Variants in PRDM2 observed in about 807,000 individuals in gnomAD.
The protein encoded by PRDM2 is PR domain zinc finger protein 2.
A neutral mutation model predicts 130.0 loss-of-function variants in PRDM2; 30 were observed. That is an observed-to-expected ratio of 0.23 (90% CI 0.17 to 0.31). The LOEUF is 0.31. PRDM2 is among the 10% of genes least tolerant of loss of function. The pLI, the probability that PRDM2 is intolerant of heterozygous loss-of-function variation, is 1.00. For synonymous variants in PRDM2, 871 were observed against 782.4 expected, an observed-to-expected ratio of 1.11 and a Z score of -1.89; for missense variants, 2,011 against 2,108.4, an observed-to-expected ratio of 0.95 and a Z score of 0.90.
At chr1:13,770,384 C>A (rs113905860) in intron 6 of PRDM2, 269 of 455,026 alleles carry the variant, frequency 5.9e-4, no homozygotes, top group Non-Finnish European at 1.0e-3. Context: ...TAAGATTGTA[C>A]TTCCTTTTGT....
chr1:13,782,019 G>A lies in PRDM2; in HGVS notation c.4224G>A (p.Glu1408=), dbSNP rs765440998. 4.1e-5 allele frequency: 66 copies of A among 1,613,930 alleles called. No homozygotes were observed. Among genetic ancestry groups the A allele is most frequent in the Non-Finnish European group, 4.9e-5 (58 of 1,180,036 alleles). Residue 1408 remains glutamate (E), a synonymous_variant, in exon 8 of 10, where the codon GAG becomes GAA. Coordinates refer to ENST00000311066, the MANE Select transcript of PRDM2 (RefSeq NM_001393986.1). Reference sequence around the variant, plus strand: ...CCAAAAGGCTTAACTTTAGTGTTGAGCTCAGCAAAATGTCGTCGAATAAGC... The same window carrying A: ...CCAAAAGGCTTAACTTTAGTGTTGAACTCAGCAAAATGTCGTCGAATAAGC... ...GQPKRLNFSV[E]LSKMSSNKLK...
At chr1:13,764,793 T>G (rs1416788150) in intron 6 of PRDM2, among the ~76,000 whole-genome samples, 2 of 152,208 alleles carry the variant, frequency 1.3e-5, no homozygotes, top group African/African-American at 4.8e-5. Context: ...AAGCAAAACC[T>G]AGAGTTGTGT....
At chr1:13,793,504 G>T (rs1434260598) in intron 8 of PRDM2, among the ~76,000 whole-genome samples, 1 of 152,176 alleles carries the variant, frequency 6.6e-6, no homozygotes, top group Non-Finnish European at 1.5e-5. Context: ...TTGCAGAAAC[G>T]ACTCACTTTT....
intron 4 of PRDM2, among the ~76,000 whole-genome samples, chr1:13,738,220 A>G (rs891759890): frequency 6.6e-6 from 1 of 152,222 alleles, no homozygotes; most frequent in Non-Finnish European, 1.5e-5. Context: ...TCTTCCTGTT[A>G]GCAAAGCCCA....
At position 13,749,467 on chromosome 1, in the gene PRDM2, G is replaced by C; in HGVS notation, c.491G>C (p.Ser164Thr). Reference sequence around the variant, plus strand: ...CGAGCCAGCGCCCGGAGCAAGCGGAGCTCCCCCAAGAGCCGGAAAGGTAGG... The same window carrying C: ...CGAGCCAGCGCCCGGAGCAAGCGGACCTCCCCCAAGAGCCGGAAAGGTAGG... ...EERASARSKR[S>T]SPKSRKGKKK... Residue 164 changes from serine to threonine, a missense_variant, in exon 6 of 10, where the codon AGC (serine) becomes ACC (threonine). Around this residue, in one of 5 missense-constraint regions of PRDM2, gnomAD observed 1,288 missense variants for 1,237.7 expected, o/e 1.04. Coordinates refer to ENST00000311066, the MANE Select transcript of PRDM2 (RefSeq NM_001393986.1). 6.7e-7 allele frequency: 1 copy of C among 1,488,034 alleles called. No homozygotes were observed. The allele number at this position is 1,488,034 out of a possible 1,614,324, so 92.2% of individuals were successfully genotyped here. A position where few individuals can be genotyped will look rare whatever the true frequency, so the allele number is the denominator to read the frequency against.
rs140141106 is a variant in PRDM2, at chr1:13,705,865, C to A, written c.-66+5565C>A. Among the ~76,000 whole-genome samples, 960 of 151,888 alleles carry A rather than the reference C, an allele frequency of 6.3e-3. 6 individuals are homozygous for A. The highest frequency in any genetic ancestry group is 9.8e-3 in the Non-Finnish European group (663 of 67,960). On this transcript the variant is annotated intron_variant, in intron 1 of 9. Coordinates refer to ENST00000311066, the MANE Select transcript of PRDM2 (RefSeq NM_001393986.1). The stretch of plus-strand genomic sequence containing the variant: ...GGTGTGATGGTGGGCACCTGTAATC[C>A]CAGCTACTTGGGAGGCTGAGGCAGA...
At chr1:13,805,717 C>T (rs536731385) in intron 8 of PRDM2, among the ~76,000 whole-genome samples, 5 of 152,328 alleles carry the variant, frequency 3.3e-5, no homozygotes, top group African/African-American at 9.6e-5. Context: ...AAGACTTCTG[C>T]GGCCAGCGAT....
intron 8 of PRDM2, among the ~76,000 whole-genome samples, chr1:13,807,769 C>G (rs77025060): frequency 0.025 from 3,844 of 152,242 alleles, 143 homozygotes; most frequent in African/African-American, 0.087. Context: ...ATTAGACGTT[C>G]TATTGTATAG....
intron 7 of PRDM2, 34 bp downstream of exon 7, chr1:13,773,222 G>T (rs928288723): frequency 7.7e-7 from 1 of 1,293,960 alleles, no homozygotes; most frequent in East Asian, 2.5e-5. Flanking sequence ...TCTGAATTGG[G>T]TGTGTATGTA....
At chr1:13,786,386 C>T (rs1644740209) in intron 8 of PRDM2, 3 of 1,289,774 alleles carry the variant, frequency 2.3e-6, no homozygotes, top group Admixed American at 4.1e-5. Flanking sequence ...TCCTAAATGC[C>T]TTCAGTCATG....
intron 6 of PRDM2, among the ~76,000 whole-genome samples, chr1:13,757,006 T>C (rs543990146): frequency 3.9e-5 from 6 of 152,352 alleles, no homozygotes; most frequent in African/African-American, 1.2e-4. Context: ...GTAGGACAGT[T>C]ATACTGTATA....
chr1:13,781,007 C>T lies in PRDM2; in HGVS notation c.3212C>T (p.Ser1071Phe), dbSNP rs750679326. Residue 1071 changes from serine to phenylalanine, a missense_variant, in exon 8 of 10, where the codon TCT (serine) becomes TTT (phenylalanine). Physicochemically the swap from Ser to Phe is radical, Grantham distance 155 (BLOSUM62 -2). Around this residue, in one of 5 missense-constraint regions of PRDM2, gnomAD observed 1,288 missense variants for 1,237.7 expected, o/e 1.04. Transcript: ENST00000311066. This position sits in a 1 kb window ranked among gnomAD's most constrained non-coding sequence, Gnocchi z 6.1. ...TCGTTTTCTTCTTCATCTTCCTCCTCTTCTCCTTCTCCACCTCCTCTCTCC... is the reference window on the plus strand; with the variant it reads ...TCGTTTTCTTCTTCATCTTCCTCCTTTTCTCCTTCTCCACCTCCTCTCTCC... The part of the protein sequence containing the change: ...SSSFSSSSSS[S>F]SPSPPPLSAI... 4 of 1,601,862 alleles carry T rather than the reference C, an allele frequency of 2.5e-6. No individual in the cohort carries two copies. In the East Asian group the frequency reaches 8.9e-5, roughly 36 times the overall value.
chr1:13,728,476 G>C (rs560161648), intron 2 of PRDM2, among the ~76,000 whole-genome samples: 1 of 152,282 alleles, frequency 6.6e-6, no homozygotes, highest in Non-Finnish European at 1.5e-5. Flanking sequence ...CCATAGCCAC[G>C]GCCATGGAGA....
At chr1:13,750,997 C>G (rs1193894058) in intron 6 of PRDM2, among the ~76,000 whole-genome samples, 1 of 152,202 alleles carries the variant, frequency 6.6e-6, no homozygotes, top group Non-Finnish European at 1.5e-5. Context: ...CTAATCATAA[C>G]TAACTCCTGT....
At chr1:13,708,332 C>G (rs980032524) in intron 1 of PRDM2, among the ~76,000 whole-genome samples, 15 of 152,090 alleles carry the variant, frequency 9.9e-5, no homozygotes, top group African/African-American at 3.1e-4. Flanking sequence ...TTTAATTGCT[C>G]TAGGCCCATT....
intron 9 of PRDM2, among the ~76,000 whole-genome samples, chr1:13,822,197 G>C (rs1403785038): frequency 6.6e-6 from 1 of 152,116 alleles, no homozygotes; most frequent in African/African-American, 2.4e-5. Context: ...ATACCTATGA[G>C]AATGCTGATG....
rs1174560297 is a variant in PRDM2, at chr1:13,780,952, T to G, written c.3157T>G (p.Ser1053Ala). The change falls in exon 8 of 10, where the codon TCT (serine) becomes GCT (alanine). Residue 1053 changes from serine to alanine, a missense_variant. Physicochemically the swap from Ser to Ala is moderately conservative, Grantham distance 99. Transcript: ENST00000311066. Reference protein sequence around the residue: ...AASPGPPTLSSSSSSSSSSSS... With the variant: ...AASPGPPTLSASSSSSSSSSS... ...CTCACCCGGGCCTCCAACACTTTCT[T>G]CTTCCTCCTCTTCATCTTCCTCCTC... 6.2e-7 allele frequency: 1 copy of G among 1,607,318 alleles called. No individual in the cohort carries two copies. The highest frequency in any genetic ancestry group is 2.2e-5 in the East Asian group (1 of 44,814).
At chr1:13,745,787 G>C (rs1643585589) in intron 5 of PRDM2, among the ~76,000 whole-genome samples, 1 of 152,176 alleles carries the variant, frequency 6.6e-6, no homozygotes, top group Non-Finnish European at 1.5e-5. Flanking sequence ...GAGGAGGAGA[G>C]GAATCTTAGG....
At chr1:13,787,522 ATTTG>A (rs1162677341) in intron 8 of PRDM2, 11 of 983,478 alleles carry the variant, frequency 1.1e-5, no homozygotes, top group South Asian at 4.7e-5. Flanking sequence ...GTAGTTTAAT[ATTTG>A]TTTGGTGAAT....
Sources: allele counts gnomAD v4.1 joint callset (sites outside exome capture counted in the v4.1 genomes callset), GRCh38; gene constraint gnomAD v4.1.1; regional missense constraint gnomAD v4.1.1; non-coding constraint Gnocchi (gnomAD v3.1); transcripts MANE v1.5; gene names NCBI Gene and HGNC (gene_info 2026-07-23, HGNC 2026-07-21).